The following SLC24A2 variants were observed in gnomAD, a reference collection of about 807,000 sequenced individuals.
The protein encoded by SLC24A2 is sodium/potassium/calcium exchanger 2.
A neutral mutation model predicts 62.0 loss-of-function variants in SLC24A2; 36 were observed. That is an observed-to-expected ratio of 0.58 (90% CI 0.44 to 0.77). SLC24A2 has a LOEUF of 0.77. Among genes scored for constraint, SLC24A2 ranks in the 30% least tolerant of loss-of-function variants. SLC24A2 has a pLI of 0.00. For synonymous variants in SLC24A2, 358 were observed against 294.0 expected (o/e 1.22, Z -2.23); for missense variants, 846 against 817.9 (o/e 1.03, Z -0.42).
chr9:19,890,742 C>T, the SLC24A2 span, among the ~76,000 whole-genome samples: 3 of 152,058 alleles, frequency 2.0e-5, no homozygotes, highest in African/African-American at 7.2e-5. Context: ...AATTCCTGGA[C>T]TCAAGCAATC....
intron 4 of SLC24A2, among the ~76,000 whole-genome samples, chr9:19,614,942 C>A (rs1817726730): frequency 6.6e-6 from 1 of 151,968 alleles, no homozygotes; most frequent in African/African-American, 2.4e-5. Context: ...CCAGGTAATC[C>A]CTGCTCAAAT....
the SLC24A2 span, among the ~76,000 whole-genome samples, chr9:20,117,206 A>C: frequency 6.6e-6 from 1 of 152,140 alleles, no homozygotes; most frequent in East Asian, 1.9e-4. Flanking sequence ...GTATTAGCAG[A>C]AGGAAGGTAT....
chr9:20,064,975 A>G, the SLC24A2 span, among the ~76,000 whole-genome samples: 1 of 152,204 alleles, frequency 6.6e-6, no homozygotes, highest in African/African-American at 2.4e-5. Context: ...GAAAGTGAGT[A>G]GTGAGAACAA....
rs1460047540 is a variant in SLC24A2 at position 19,508,409 on chromosome 9, C to A, written c.*7744G>T. On this transcript the variant is annotated 3_prime_UTR_variant, in exon 11 of 11. Coordinates refer to ENST00000341998, the MANE Select transcript of SLC24A2 (RefSeq NM_020344.4). ...ATTGATGGGGTTGTCCAGTTTAGTA[C>A]CCATGTTTACTCTATATGGACAATT... 2 of 152,104 alleles carry A rather than the reference C, an allele frequency of 1.3e-5. No homozygotes were observed. The highest frequency in any genetic ancestry group is 1.3e-4 in the Admixed American group (2 of 15,264). 9.4% of individuals were successfully genotyped at this position (152,104 alleles called of 1,614,324 possible).
In SLC24A2 at chr9:19,516,530, G is replaced by C. The variant is rs527377554; in HGVS notation, c.1737-128C>G. 4.7e-5 allele frequency: 55 copies of C among 1,163,864 alleles called. No homozygotes were observed. The East Asian group carries it at 1.3e-3, about 27-fold the overall frequency. The allele number at this position is 1,163,864 out of a possible 1,614,324, so 72.1% of individuals were successfully genotyped here. A position where few individuals can be genotyped will look rare whatever the true frequency, so the allele number is the denominator to read the frequency against. ...CTAAACTGAAAAGGGTGTCTTGTTA[G>C]GTTCACTATGACTCGGGCATGGTTG... On this transcript the variant is annotated intron_variant, in intron 10 of 10. Coordinates refer to ENST00000341998, the MANE Select transcript of SLC24A2 (RefSeq NM_020344.4).
At chr9:20,301,168 T>C in the SLC24A2 span, among the ~76,000 whole-genome samples, 1 of 152,212 alleles carries the variant, frequency 6.6e-6, no homozygotes, top group Non-Finnish European at 1.5e-5. Context: ...CTACCTCCAG[T>C]ATCTTCTTGG....
intron 2 of SLC24A2, among the ~76,000 whole-genome samples, chr9:19,734,907 C>T (rs1821457973): frequency 6.6e-6 from 1 of 151,954 alleles, no homozygotes; most frequent in Non-Finnish European, 1.5e-5. Context: ...CATAAAAACC[C>T]TAGAAGAAAA....
the SLC24A2 span, among the ~76,000 whole-genome samples, chr9:20,189,058 T>C: frequency 1.3e-5 from 2 of 148,676 alleles, no homozygotes; most frequent in Admixed American, 6.9e-5. Flanking sequence ...GAAATTAGGG[T>C]GGCTTTTCTT....
At chr9:20,189,985 G>C in the SLC24A2 span, among the ~76,000 whole-genome samples, 1 of 152,180 alleles carries the variant, frequency 6.6e-6, no homozygotes, top group Non-Finnish European at 1.5e-5. Flanking sequence ...GAGTGGGACT[G>C]ATCCAAGCAT....
the SLC24A2 span, among the ~76,000 whole-genome samples, chr9:19,884,621 C>T: frequency 2.0e-5 from 3 of 152,048 alleles, no homozygotes; most frequent in Admixed American, 1.3e-4. Context: ...TGGTTCCTGG[C>T]TTACAATGGT....
At position 19,525,386 on chromosome 9, in the gene SLC24A2, CTTTACTTT is replaced by C. The variant is rs1265851912; in HGVS notation, c.1569+2655_1569+2662del. ...TCTGCAAGGTTTTTTTTTCCTATTTCTTTACTTTTTTTTTTTTTTTTTTTTTTTTTTTT... is the reference window on the plus strand; with the variant it reads ...TCTGCAAGGTTTTTTTTTCCTATTTCTTTTTTTTTTTTTTTTTTTTTTTTT... On this transcript the variant is annotated intron_variant, in intron 9 of 10. Transcript: ENST00000341998. 1.6e-3 allele frequency among the ~76,000 whole-genome samples: 76 copies of C among 47,196 alleles called. 2 individuals carry two copies. Among genetic ancestry groups the C allele is most frequent in the Middle Eastern group, 0.015 (1 of 66 alleles). The allele number at this position is 47,196 out of a possible 152,430, so 31.0% of individuals were successfully genotyped here.
chr9:19,927,840 C>T, the SLC24A2 span: 1 of 152,222 alleles, frequency 6.6e-6, no homozygotes, highest in African/African-American at 2.4e-5. Flanking sequence ...CCTGAAAGCC[C>T]CATGCACTAA....
At chr9:19,745,653 C>T (rs1320629970) in intron 2 of SLC24A2, among the ~76,000 whole-genome samples, 1 of 152,166 alleles carries the variant, frequency 6.6e-6, no homozygotes, top group African/African-American at 2.4e-5. Context: ...TAATCTATCC[C>T]TCTGAATTTT....
the SLC24A2 span, among the ~76,000 whole-genome samples, chr9:20,300,588 T>C: frequency 6.6e-6 from 1 of 152,202 alleles, no homozygotes; most frequent in Non-Finnish European, 1.5e-5. Flanking sequence ...TGACATCAAG[T>C]TGGCCCATAG....
the SLC24A2 span, among the ~76,000 whole-genome samples, chr9:19,837,280 G>A: frequency 4.0e-5 from 6 of 150,454 alleles, no homozygotes; most frequent in African/African-American, 9.8e-5. Context: ...GTGAAACCCC[G>A]TCTCTACTAA....
the SLC24A2 span, among the ~76,000 whole-genome samples, chr9:20,278,042 C>A: frequency 6.6e-6 from 1 of 151,768 alleles, no homozygotes; most frequent in Non-Finnish European, 1.5e-5. Context: ...ACAATGAGAA[C>A]ACTTGGACAC....
the SLC24A2 span, among the ~76,000 whole-genome samples, chr9:19,925,876 A>T: frequency 1.3e-5 from 2 of 152,240 alleles, no homozygotes. Flanking sequence ...TGTGCTACAC[A>T]CGTGAATCCT....
chr9:19,949,929 T>A, the SLC24A2 span, among the ~76,000 whole-genome samples: 1 of 152,200 alleles, frequency 6.6e-6, no homozygotes, highest in South Asian at 2.1e-4. Flanking sequence ...GAGTGTGGTG[T>A]TTAGACCAGC....
At chr9:20,199,997 C>T in the SLC24A2 span, among the ~76,000 whole-genome samples, 1 of 151,112 alleles carries the variant, frequency 6.6e-6, no homozygotes, top group Non-Finnish European at 1.5e-5. Flanking sequence ...TCCCAAAGTG[C>T]TGGGACTACA....
Sources: allele counts gnomAD v4.1 joint callset (sites outside exome capture counted in the v4.1 genomes callset), GRCh38; gene constraint gnomAD v4.1.1; transcripts MANE v1.5; gene names NCBI Gene and HGNC (gene_info 2026-07-23, HGNC 2026-07-21).